C4orf50: variants seen among roughly 807,000 people sequenced by gnomAD.
C4orf50 encodes the protein chromosome 4 open reading frame 50.
C4orf50 carries 80 observed loss-of-function variants against 77.2 expected under a neutral mutation model. That is an observed-to-expected ratio of 1.04 (90% CI 0.87 to 1.25). C4orf50 has a LOEUF of 1.25. Among genes scored for constraint, C4orf50 ranks in the 50% most tolerant of loss-of-function variants. The pLI is 0.00. For synonymous variants in C4orf50, 532 were observed against 465.3 expected (o/e 1.14, Z -1.84); for missense variants, 1,257 against 1,152.9 (o/e 1.09, Z -1.31).
chr4:5,989,571 C>G (rs1367277736), exon 28 of C4orf50: 23 of 1,536,130 alleles, frequency 1.5e-5, no homozygotes, highest in Non-Finnish European at 1.9e-5. Context: ...ACTGCCAGCC[C>G]CTGCTGCCCG....
intron 25 of C4orf50, among the ~76,000 whole-genome samples, chr4:5,995,749 G>A (rs1721549700): frequency 1.3e-5 from 2 of 152,190 alleles, no homozygotes; most frequent in Admixed American, 1.3e-4. Flanking sequence ...ATCATTGGGT[G>A]GACAGATAGA....
intron 31 of C4orf50, among the ~76,000 whole-genome samples, chr4:5,973,388 T>C (rs1482482567): frequency 1.3e-5 from 2 of 152,240 alleles, no homozygotes; most frequent in African/African-American, 2.4e-5. Context: ...ATGAAGCTTG[T>C]ATGACGCTGA....
intron 7 of C4orf50, among the ~76,000 whole-genome samples, chr4:5,906,889 C>T (rs2152480492): frequency 6.6e-6 from 1 of 152,232 alleles, no homozygotes; most frequent in South Asian, 2.1e-4. Context: ...CTTATAAGAC[C>T]ATTGGTATCC....
chr4:5,909,143 T>G (rs1460541832), intron 7 of C4orf50, among the ~76,000 whole-genome samples: 2 of 152,202 alleles, frequency 1.3e-5, no homozygotes, highest in Non-Finnish European at 2.9e-5. Context: ...TTAGCAAGAC[T>G]TACAGAATAT....
At chr4:5,956,909 T>C (rs539297590), downstream of C4orf50, 3 of 152,390 alleles carry the variant, frequency 2.0e-5, no homozygotes, top group Middle Eastern at 6.8e-3. Context: ...ACCTACTGGG[T>C]TGCCAGAGCA....
At chr4:5,983,812 G>C (rs932137539) in intron 28 of C4orf50, among the ~76,000 whole-genome samples, 4 of 152,232 alleles carry the variant, frequency 2.6e-5, no homozygotes, top group South Asian at 2.1e-4. Flanking sequence ...GCTGGTGTTT[G>C]TGGGACAAAG....
chr4:6,002,417 T>C (rs540501567), intron 25 of C4orf50, among the ~76,000 whole-genome samples: 2 of 152,298 alleles, frequency 1.3e-5, no homozygotes, highest in East Asian at 1.9e-4. Flanking sequence ...GTCAGCAGGT[T>C]TGAGGTACTT....
intron 7 of C4orf50, among the ~76,000 whole-genome samples, chr4:5,946,843 C>A (rs1402803914): frequency 6.6e-6 from 1 of 152,154 alleles, no homozygotes; most frequent in Non-Finnish European, 1.5e-5. Flanking sequence ...CGATGAGCAC[C>A]CTTTCTGCAG....
chr4:5,967,606 C>A, intron 31 of C4orf50, 144 bp from the exon 10 acceptor site: 8 of 680,372 alleles, frequency 1.2e-5, no homozygotes, highest in African/African-American at 1.7e-5. Context: ...TGCCTGTGTG[C>A]ATGAAGACCT....
chr4:5,995,175 T>A (rs1721510669), intron 25 of C4orf50, among the ~76,000 whole-genome samples: 1 of 151,716 alleles, frequency 6.6e-6, no homozygotes, highest in African/African-American at 2.4e-5. Flanking sequence ...CCTCCCTGGG[T>A]GGGGGCAGTG....
exon 26 of C4orf50, chr4:5,994,419 C>G (rs966499045): frequency 1.8e-5 from 7 of 399,054 alleles, no homozygotes; most frequent in Non-Finnish European, 3.1e-5. Context: ...CTGCAGGGGT[C>G]CAGGGCCTCC....
chr4:5,912,272 T>C (rs1049794448), intron 7 of C4orf50, among the ~76,000 whole-genome samples: 3 of 151,668 alleles, frequency 2.0e-5, no homozygotes, highest in African/African-American at 7.3e-5. Flanking sequence ...TGTGTGTGTG[T>C]GTGTGTGTGT....
At chr4:6,013,722 A>G (rs1474837441) in intron 23 of C4orf50, among the ~76,000 whole-genome samples, 3 of 152,162 alleles carry the variant, frequency 2.0e-5, no homozygotes, top group African/African-American at 7.2e-5. Context: ...GGGTCCAAAG[A>G]TGGAGGCGGG....
At chr4:5,948,584 C>T (rs998186616) in intron 7 of C4orf50, among the ~76,000 whole-genome samples, 1 of 152,174 alleles carries the variant, frequency 6.6e-6, no homozygotes, top group Admixed American at 6.5e-5. Context: ...ATCACGAGGT[C>T]AGCAGATCCA....
intron 29 of C4orf50, among the ~76,000 whole-genome samples, chr4:5,979,784 C>A (rs1457419878): frequency 2.0e-5 from 3 of 152,198 alleles, no homozygotes; most frequent in African/African-American, 7.2e-5. Context: ...TCAGATCTCT[C>A]CAGTTTTAAA....
At chr4:5,997,956 G>A (rs1721669846) in intron 25 of C4orf50, among the ~76,000 whole-genome samples, 1 of 152,158 alleles carries the variant, frequency 6.6e-6, no homozygotes, top group Admixed American at 6.5e-5. Flanking sequence ...TGGACAGTTG[G>A]GTTGTTACGA....
intron 31 of C4orf50, among the ~76,000 whole-genome samples, chr4:5,973,387 G>A (rs1033243017): frequency 1.3e-5 from 2 of 152,250 alleles, no homozygotes; most frequent in East Asian, 3.9e-4. Flanking sequence ...AATGAAGCTT[G>A]TATGACGCTG....
chr4:6,015,000 T>A (rs1212305870), intron 23 of C4orf50, among the ~76,000 whole-genome samples: 1 of 152,176 alleles, frequency 6.6e-6, no homozygotes, highest in African/African-American at 2.4e-5. Flanking sequence ...TCCCTGCCTG[T>A]CTTCCTGGGG....
chr4:5,989,775 C>A, exon 28 of C4orf50: 1 of 1,527,100 alleles, frequency 6.5e-7, no homozygotes. Context: ...AAAGCATTTC[C>A]TTGCTCTCAT....
Sources: allele counts gnomAD v4.1 joint callset (sites outside exome capture counted in the v4.1 genomes callset), GRCh38; gene constraint gnomAD v4.1.1; transcripts MANE v1.5; gene names NCBI Gene and HGNC (gene_info 2026-07-23, HGNC 2026-07-21).